Variants in GALNT11 observed in about 807,000 individuals in gnomAD.
The protein encoded by GALNT11 is polypeptide N-acetylgalactosaminyltransferase 11.
GALNT11 carries 47 observed loss-of-function variants against 72.7 expected under a neutral mutation model. The observed-to-expected ratio is 0.65, with a 90% CI of 0.51 to 0.82. The LOEUF (loss-of-function observed/expected upper bound fraction) is 0.82. Ranked by LOEUF, GALNT11 falls within the 40% of genes least tolerant of loss-of-function variation. The pLI is 0.00. For missense variants in GALNT11, 677 were observed against 778.4 expected (o/e 0.87, Z 1.55); for synonymous variants, 270 against 286.6 (o/e 0.94, Z 0.58).
intron 8 of GALNT11, among the ~76,000 whole-genome samples, chr7:152,116,621 T>C (rs1485896457): frequency 3.3e-5 from 5 of 152,236 alleles, no homozygotes; most frequent in Non-Finnish European, 5.9e-5. Context: ...CTTCGAAAGT[T>C]ATTGAATTTT....
At chr7:152,097,101 T>C (rs909263016) in intron 2 of GALNT11, among the ~76,000 whole-genome samples, 10 of 152,218 alleles carry the variant, frequency 6.6e-5, no homozygotes, top group Non-Finnish European at 1.3e-4. Context: ...GTGCTGAGAC[T>C]ATAGGCATGA....
At chr7:152,090,230 G>A (rs1197799482) in intron 1 of GALNT11, among the ~76,000 whole-genome samples, 1 of 152,200 alleles carries the variant, frequency 6.6e-6, no homozygotes, top group Non-Finnish European at 1.5e-5. Context: ...TTCTTCTACT[G>A]TCACAATTTT....
At chr7:152,065,329 T>G (rs2084246679) in intron 1 of GALNT11, among the ~76,000 whole-genome samples, 1 of 152,160 alleles carries the variant, frequency 6.6e-6, no homozygotes, top group African/African-American at 2.4e-5. Flanking sequence ...CTTCTCTACA[T>G]TCTAGTTAGC....
intron 10 of GALNT11, chr7:152,119,478 AATGTGTGCTGTG>A (rs767091208): frequency 1.1e-4 from 16 of 152,018 alleles, no homozygotes; most frequent in Admixed American, 3.3e-4. Context: ...TTGGGTAAAT[AATGTGTGCTGTG>A]ATGTGTGCTG....
intron 1 of GALNT11, among the ~76,000 whole-genome samples, chr7:152,034,541 G>T (rs2082462329): frequency 1.3e-5 from 2 of 152,140 alleles, no homozygotes; most frequent in Admixed American, 6.5e-5. Context: ...TTTCAAGGGT[G>T]AGCCTGTTGA....
chr7:152,108,056 T>C lies in GALNT11; in HGVS notation c.731T>C (p.Leu244Pro). 1 of 1,610,990 alleles carries C rather than the reference T, an allele frequency of 6.2e-7. No homozygotes were observed. The highest frequency in any genetic ancestry group is 8.5e-7 in the Non-Finnish European group (1 of 1,177,448). The change falls in exon 6 of 12, where the codon CTG becomes CCG. Residue 244 changes from leucine to proline, a missense_variant. Physicochemically the swap from Leu to Pro is moderately conservative, Grantham distance 98. Transcript: ENST00000430044. ...TCCCCAGGAGAAGTCCTTGTGTTCC[T>C]GGACAGCCACTGTGAAGTGAATGTG... The part of the protein sequence containing the change: ...AHATGEVLVF[L>P]DSHCEVNVMW...
chr7:152,099,037 G>A (rs920948180), intron 2 of GALNT11, among the ~76,000 whole-genome samples: 1 of 152,110 alleles, frequency 6.6e-6, no homozygotes, highest in African/African-American at 2.4e-5. Flanking sequence ...CGCCTCCTAG[G>A]TTCAAGTGAT....
At chr7:152,059,359 C>G (rs1284251325) in intron 1 of GALNT11, among the ~76,000 whole-genome samples, 2 of 152,018 alleles carry the variant, frequency 1.3e-5, no homozygotes, top group Non-Finnish European at 2.9e-5. Flanking sequence ...ACCTCCACCT[C>G]CAAAAGAGTT....
intron 3 of GALNT11, among the ~76,000 whole-genome samples, chr7:152,102,331 C>T (rs1396283110): frequency 6.6e-6 from 1 of 151,862 alleles, no homozygotes; most frequent in Non-Finnish European, 1.5e-5. Flanking sequence ...ATCACGAGGT[C>T]AGGAGATCGA....
intron 2 of GALNT11, among the ~76,000 whole-genome samples, chr7:152,095,432 A>C (rs936203057): frequency 3.3e-5 from 5 of 152,154 alleles, no homozygotes; most frequent in African/African-American, 4.8e-5. Flanking sequence ...TAGAATGTGA[A>C]AGAAATGTTA....
intron 5 of GALNT11, chr7:152,107,492 T>A (rs763758498): frequency 6.6e-6 from 1 of 152,084 alleles, no homozygotes; most frequent in Non-Finnish European, 1.5e-5. Context: ...CGGGGAGAAC[T>A]GCTGTGTGGC....
intron 1 of GALNT11, among the ~76,000 whole-genome samples, chr7:152,075,791 T>G (rs2084923210): frequency 7.0e-6 from 1 of 143,070 alleles, no homozygotes; most frequent in South Asian, 2.1e-4. Context: ...AGCAAAACTC[T>G]GTCTCAAAAA....
At chr7:152,102,205 A>G (rs1203731916) in intron 3 of GALNT11, among the ~76,000 whole-genome samples, 1 of 152,100 alleles carries the variant, frequency 6.6e-6, no homozygotes, top group Non-Finnish European at 1.5e-5. Context: ...TCACATTTTT[A>G]TGTACCCTCT....
chr7:152,037,940 T>C (rs1255229151), intron 1 of GALNT11, among the ~76,000 whole-genome samples: 1 of 152,056 alleles, frequency 6.6e-6, no homozygotes, highest in Non-Finnish European at 1.5e-5. Context: ...GGCTAATTTT[T>C]GTAATTTTAG....
At chr7:152,035,201 C>T (rs1364839383) in intron 1 of GALNT11, among the ~76,000 whole-genome samples, 6 of 152,174 alleles carry the variant, frequency 3.9e-5, no homozygotes. Flanking sequence ...AAGACAGTCC[C>T]CCACCCTGAT....
At chr7:152,109,903 C>T (rs1587436708) in intron 6 of GALNT11, among the ~76,000 whole-genome samples, 1 of 152,280 alleles carries the variant, frequency 6.6e-6, no homozygotes, top group East Asian at 1.9e-4. Context: ...GCTTTTCTCA[C>T]TCCAGCACAG....
chr7:152,040,609 T>A (rs2082810939), intron 1 of GALNT11, among the ~76,000 whole-genome samples: 1 of 152,130 alleles, frequency 6.6e-6, no homozygotes, highest in Non-Finnish European at 1.5e-5. Context: ...GGGTGCATTC[T>A]ACTCCTAACT....
intron 1 of GALNT11, among the ~76,000 whole-genome samples, chr7:152,068,022 G>A (rs2129006219): frequency 6.6e-6 from 1 of 152,248 alleles, no homozygotes; most frequent in African/African-American, 2.4e-5. Context: ...CTGTCAGCAA[G>A]TCAGCAGCAA....
intron 1 of GALNT11, among the ~76,000 whole-genome samples, chr7:152,054,171 TATAGTA>T (rs1209290382): frequency 1.3e-5 from 2 of 152,266 alleles, no homozygotes; most frequent in Middle Eastern, 3.4e-3. Flanking sequence ...CCTTTTGACT[TATAGTA>T]ATAGCTTTAA....
Sources: gnomAD v4.1 joint callset for allele counts (sites outside exome capture counted in the v4.1 genomes callset) on GRCh38, gnomAD v4.1.1 for gene constraint, MANE v1.5 for transcripts, NCBI Gene and HGNC (gene_info 2026-07-23, HGNC 2026-07-21) for gene names.